Variants in AGAP1 observed in about 807,000 individuals in gnomAD.
AGAP1 encodes ArfGAP with GTPase domain, ankyrin repeat and PH domain 1.
A neutral mutation model predicts 105.3 loss-of-function variants in AGAP1; 29 were observed. That is an observed-to-expected ratio of 0.28 (90% CI 0.21 to 0.38). The LOEUF is 0.38. AGAP1 is among the 10% of genes least tolerant of loss of function. The pLI is 1.00. For missense variants in AGAP1, 998 were observed against 1,165.1 expected, an observed-to-expected ratio of 0.86 and a Z score of 2.09; for synonymous variants, 509 against 485.9, an observed-to-expected ratio of 1.05 and a Z score of -0.63.
rs1393256011 is a variant in AGAP1 at position 235,747,426 on chromosome 2, T to G, written c.538+2587T>G. Among the ~76,000 whole-genome samples, 2 of 152,134 alleles carry G rather than the reference T, an allele frequency of 1.3e-5. No homozygotes were observed. The highest frequency in any genetic ancestry group is 4.8e-5 in the African/African-American group (2 of 41,438). The stretch of plus-strand genomic sequence containing the variant: ...GTGGCCTCTGGGGTTGGGAGGTAAG[T>G]CAGCCCCACACCCTCCCGGGGTGAA... On this transcript the variant is annotated intron_variant, in intron 5 of 17. Coordinates refer to ENST00000304032, the MANE Select transcript of AGAP1 (RefSeq NM_001037131.3). The surrounding 1 kb of genome is among the most constrained non-coding windows in gnomAD (Gnocchi z 5.0).
chr2:236,118,217 G>A (rs1031197417), intron 16 of AGAP1, among the ~76,000 whole-genome samples: 2 of 151,930 alleles, frequency 1.3e-5, no homozygotes, highest in Non-Finnish European at 2.9e-5. Context: ...CTAGACTTTC[G>A]CGGAAGCCCT....
rs1158895133 is a variant in AGAP1, at chr2:235,494,786, C to T, written c.100C>T (p.Leu34=). ...CAACATCTACTCCATCTACGAGCTG[C>T]TGGAGCGCGTGGAGGAGCCGGTGCT... ...HPNIYSIYEL[L]ERVEEPVLQN... Residue 34 remains leucine, a synonymous_variant, in exon 1 of 18, where the codon CTG becomes TTG. Coordinates refer to ENST00000304032, the MANE Select transcript of AGAP1 (RefSeq NM_001037131.3). 19 of 1,584,950 alleles carry T rather than the reference C, an allele frequency of 1.2e-5. No homozygotes were observed. The highest frequency in any genetic ancestry group is 1.8e-5 in the Admixed American group (1 of 57,048).
At chr2:235,605,234 TAAA>T (rs1945888361) in intron 1 of AGAP1, among the ~76,000 whole-genome samples, 1 of 152,224 alleles carries the variant, frequency 6.6e-6, no homozygotes, top group African/African-American at 2.4e-5. Flanking sequence ...TAATAAGTAA[TAAA>T]TAATAATTGA....
At position 236,040,898 on chromosome 2, in the gene AGAP1, C is replaced by G; in HGVS notation, c.1891+57C>G. ...GCTGTGTAGCTGGAGACCACATGGTCCCACTAGGCCCGGGTTGCAGGGGAC... is the reference window on the plus strand; with the variant it reads ...GCTGTGTAGCTGGAGACCACATGGTGCCACTAGGCCCGGGTTGCAGGGGAC... On this transcript the variant is annotated intron_variant, in intron 15 of 17. Coordinates refer to ENST00000304032, the MANE Select transcript of AGAP1 (RefSeq NM_001037131.3). This position sits in a 1 kb window ranked among gnomAD's most constrained non-coding sequence, Gnocchi z 5.6. 6.4e-7 allele frequency: 1 copy of G among 1,571,200 alleles called. No individual in the cohort carries two copies. The highest frequency in any genetic ancestry group is 1.1e-5 in the South Asian group (1 of 89,728).
At chr2:235,941,321 C>T (rs1470649539) in intron 12 of AGAP1, among the ~76,000 whole-genome samples, 1 of 152,176 alleles carries the variant, frequency 6.6e-6, no homozygotes, top group Admixed American at 6.5e-5. Flanking sequence ...ATACATTTCA[C>T]AACAATTTAA....
Position 236,083,327 on chromosome 2 carries a change from G to A in AGAP1, c.2114+34046G>A, listed in dbSNP as rs564194690. Reference sequence around the variant, plus strand: ...GCTCGGTTTGTTGCAAGGAAGCGTCGTCCTCCTCACGGGCTCTTTACGTTG... The same window carrying A: ...GCTCGGTTTGTTGCAAGGAAGCGTCATCCTCCTCACGGGCTCTTTACGTTG... On this transcript the variant is annotated intron_variant, in intron 16 of 17. Coordinates refer to ENST00000304032, the MANE Select transcript of AGAP1 (RefSeq NM_001037131.3). This position sits in a 1 kb window ranked among gnomAD's most constrained non-coding sequence, Gnocchi z 5.3. Among the ~76,000 whole-genome samples, 25 of 152,252 alleles carry A rather than the reference G, an allele frequency of 1.6e-4. No homozygotes were observed. The highest frequency in any genetic ancestry group is 1.9e-4 in the East Asian group (1 of 5,176).
chr2:235,962,259 G>C lies in AGAP1; in HGVS notation c.1484-6203G>C, dbSNP rs1423387087. On this transcript the variant is annotated intron_variant, in intron 12 of 17. Coordinates refer to ENST00000304032, the MANE Select transcript of AGAP1 (RefSeq NM_001037131.3). This position sits in a 1 kb window ranked among gnomAD's most constrained non-coding sequence, Gnocchi z 5.3. ...CTGAGGGGTACACTGACCACACAGA[G>C]GAGGCCGGTGTGCATGGCACCACCC... Among the ~76,000 whole-genome samples the C allele has an allele frequency of 6.6e-6, 1 of 152,068 alleles. No individual in the cohort carries two copies. The highest frequency in any genetic ancestry group is 1.9e-4 in the East Asian group (1 of 5,160).
intron 13 of AGAP1, among the ~76,000 whole-genome samples, chr2:236,025,044 A>G (rs2057008218): frequency 6.6e-6 from 1 of 152,174 alleles, no homozygotes; most frequent in Admixed American, 6.5e-5. Flanking sequence ...TTTCAGGAAC[A>G]GGGGGATTAA....
chr2:236,065,035 G>A (rs1395580215), intron 16 of AGAP1, among the ~76,000 whole-genome samples: 1 of 152,208 alleles, frequency 6.6e-6, no homozygotes, highest in African/African-American at 2.4e-5. Flanking sequence ...TAAGTGGCCA[G>A]GCAAAGGCTC....
At chr2:235,710,835 A>C (rs1055917873) in intron 2 of AGAP1, among the ~76,000 whole-genome samples, 1 of 152,146 alleles carries the variant, frequency 6.6e-6, no homozygotes, top group Non-Finnish European at 1.5e-5. Flanking sequence ...GGCACGGAAC[A>C]GTAGTCACGG....
At chr2:235,568,686 GCA>G (rs1254117761) in intron 1 of AGAP1, among the ~76,000 whole-genome samples, 1 of 152,214 alleles carries the variant, frequency 6.6e-6, no homozygotes, top group Non-Finnish European at 1.5e-5. Flanking sequence ...GTGAAAAACA[GCA>G]CACGTCATTC....
chr2:235,707,686 G>A (rs73996314), intron 1 of AGAP1, among the ~76,000 whole-genome samples: 7,120 of 69,076 alleles, frequency 0.1, 1,115 homozygotes, highest in African/African-American at 0.31. Flanking sequence ...TTGGTGGGAC[G>A]TGCTCCCCAG....
intron 3 of AGAP1, among the ~76,000 whole-genome samples, chr2:235,730,549 A>G (rs1428855456): frequency 6.6e-6 from 1 of 150,412 alleles, no homozygotes; most frequent in Non-Finnish European, 1.5e-5. Flanking sequence ...TGGTGCCATC[A>G]TAGCCCACTA....
chr2:236,052,405 G>C (rs1304476901), intron 16 of AGAP1, among the ~76,000 whole-genome samples: 3 of 152,142 alleles, frequency 2.0e-5, no homozygotes, highest in Non-Finnish European at 2.9e-5. Context: ...CCGCACACTG[G>C]AGTCACCTAT....
Position 235,799,451 on chromosome 2 carries a change from G to A in AGAP1, c.886G>A (p.Asp296Asn). The A allele has an allele frequency of 2.5e-6, 4 of 1,614,170 alleles. No individual in the cohort carries two copies. The highest frequency in any genetic ancestry group is 1.1e-5 in the South Asian group (1 of 91,074). Residue 296 changes from aspartate (D) to asparagine (N), a missense_variant, in exon 8 of 18, where the codon GAT becomes AAT. By Grantham distance (23) the Asp-to-Asn change is conservative (BLOSUM62 1). Transcript: ENST00000304032. This position sits in a 1 kb window ranked among gnomAD's most constrained non-coding sequence, Gnocchi z 5.0. ...CACCAGCCAGAAGGAACTTCGGATCGATGTTCCTCCCACTGCCAACACGCC... is the reference window on the plus strand; with the variant it reads ...CACCAGCCAGAAGGAACTTCGGATCAATGTTCCTCCCACTGCCAACACGCC... ...PSTSQKELRI[D>N]VPPTANTPTP...
Position 235,639,536 on chromosome 2 carries a change from C to T in AGAP1, c.164-69643C>T, listed in dbSNP as rs537302280. Reference sequence around the variant, plus strand: ...GGCTCATGAACAGATGTGGAAACATCGTGGGATGATCTCATGGTGGGTGGG... The same window carrying T: ...GGCTCATGAACAGATGTGGAAACATTGTGGGATGATCTCATGGTGGGTGGG... On this transcript the variant is annotated intron_variant, in intron 1 of 17. Transcript: ENST00000304032. This position sits in a 1 kb window ranked among gnomAD's most constrained non-coding sequence, Gnocchi z 5.3. Among the ~76,000 whole-genome samples the T allele has an allele frequency of 1.3e-5, 2 of 152,196 alleles. No homozygotes were observed. Among genetic ancestry groups the T allele is most frequent in the African/African-American group, 2.4e-5 (1 of 41,530 alleles).
At chr2:236,031,222 A>T (rs2057213643) in intron 13 of AGAP1, among the ~76,000 whole-genome samples, 1 of 152,172 alleles carries the variant, frequency 6.6e-6, no homozygotes, top group South Asian at 2.1e-4. Flanking sequence ...CCTAAGAAGG[A>T]GGGAGGAGGA....
rs564417753 is a variant in AGAP1, at chr2:235,934,303, A to G, written c.1483+3380A>G. ...TCACTTCCCAAAGCCTGGTCCACGG[A>G]CCAAGTGGCATTTGACAGCTCCGGG... On this transcript the variant is annotated intron_variant, in intron 12 of 17. Transcript: ENST00000304032. The surrounding 1 kb of genome is among the most constrained non-coding windows in gnomAD (Gnocchi z 4.9). 3.5e-4 allele frequency among the ~76,000 whole-genome samples: 53 copies of G among 152,188 alleles called. No homozygotes were observed. The highest frequency in any genetic ancestry group is 6.9e-4 in the Non-Finnish European group (47 of 68,034).
Position 235,992,621 on chromosome 2 carries a change from T to C in AGAP1, c.1645+23998T>C, listed in dbSNP as rs1262984885. 6.6e-6 allele frequency among the ~76,000 whole-genome samples: 1 copy of C among 152,234 alleles called. No individual in the cohort carries two copies. The highest frequency in any genetic ancestry group is 1.5e-5 in the Non-Finnish European group (1 of 68,048). Reference sequence around the variant, plus strand: ...AAGAGATCACTTGTTATATTATGCTTTTTAAATGTTGAAGGCAATACTCAT... The same window carrying C: ...AAGAGATCACTTGTTATATTATGCTCTTTAAATGTTGAAGGCAATACTCAT... On this transcript the variant is annotated intron_variant, in intron 13 of 17. Transcript: ENST00000304032. The surrounding 1 kb of genome is among the most constrained non-coding windows in gnomAD (Gnocchi z 4.8).
Sources: allele counts gnomAD v4.1 joint callset (sites outside exome capture counted in the v4.1 genomes callset), GRCh38; gene constraint gnomAD v4.1.1; non-coding constraint Gnocchi (gnomAD v3.1); transcripts MANE v1.5; gene names NCBI Gene and HGNC (gene_info 2026-07-23, HGNC 2026-07-21).